UPP2: variants seen among roughly 807,000 people sequenced by gnomAD.
UPP2 encodes the protein UPase 2.
A neutral mutation model predicts 26.7 loss-of-function variants in UPP2; 23 were observed. That is an observed-to-expected ratio of 0.86 (90% confidence interval 0.62 to 1.22). The LOEUF (loss-of-function observed/expected upper bound fraction) is 1.22. UPP2 is among the 50% of genes most tolerant of loss of function. The probability of loss-of-function intolerance (pLI) is 0.00; values close to 1 mark genes in which losing one functional copy is unlikely to be tolerated. For missense variants in UPP2, 387 were observed against 396.7 expected (o/e 0.98, Z 0.21); for synonymous variants, 127 against 141.3 (o/e 0.90, Z 0.72).
At chr2:158,077,570 A>T (rs1349880263) in intron 3 of UPP2, among the ~76,000 whole-genome samples, 3 of 152,144 alleles carry the variant, frequency 2.0e-5, no homozygotes, top group Non-Finnish European at 4.4e-5. Flanking sequence ...GGTGCTGGGA[A>T]AACTGGATAT....
chr2:158,030,649 C>G (rs1467415948), intron 3 of UPP2, among the ~76,000 whole-genome samples: 1 of 152,162 alleles, frequency 6.6e-6, no homozygotes, highest in Non-Finnish European at 1.5e-5. Flanking sequence ...AGCCCAGCTA[C>G]TGTCTTTCAA....
At chr2:158,107,208 CTG>C (rs1204291529) in intron 2 of UPP2, among the ~76,000 whole-genome samples, 2 of 152,204 alleles carry the variant, frequency 1.3e-5, no homozygotes, top group Non-Finnish European at 2.9e-5. Context: ...TTCCAAAAGA[CTG>C]TATCTATTTA....
At chr2:158,055,243 G>A (rs1166881545) in intron 3 of UPP2, among the ~76,000 whole-genome samples, 1 of 152,160 alleles carries the variant, frequency 6.6e-6, no homozygotes, top group African/African-American at 2.4e-5. Flanking sequence ...GCATGCTAAT[G>A]TGCTGGTTCG....
intron 3 of UPP2, chr2:158,065,492 C>G: frequency 3.0e-6 from 1 of 337,930 alleles, no homozygotes; most frequent in Non-Finnish European, 5.8e-6. Context: ...TTTCTGTATT[C>G]AACTTTTAAA....
At chr2:158,062,943 G>A (rs1682375566) in intron 3 of UPP2, among the ~76,000 whole-genome samples, 2 of 152,090 alleles carry the variant, frequency 1.3e-5, no homozygotes, top group Non-Finnish European at 2.9e-5. Flanking sequence ...TACGTTTCAA[G>A]CACTCAATCC....
intron 3 of UPP2, among the ~76,000 whole-genome samples, chr2:158,092,939 A>AT (rs548190588): frequency 7.3e-4 from 110 of 151,028 alleles, no homozygotes; most frequent in Non-Finnish European, 1.4e-3. Flanking sequence ...TCATGTAATC[A>AT]TTTTTTTTTC....
chr2:158,025,415 A>G (rs1348054607), intron 3 of UPP2, among the ~76,000 whole-genome samples: 2 of 152,100 alleles, frequency 1.3e-5, no homozygotes. Context: ...TGGAGTGTGG[A>G]GGCCAGCAGG....
chr2:158,071,743 G>A (rs1301932201), intron 3 of UPP2, among the ~76,000 whole-genome samples: 1 of 151,958 alleles, frequency 6.6e-6, no homozygotes, highest in African/African-American at 2.4e-5. Flanking sequence ...GGAACCCACT[G>A]CCTTGAGAAG....
chr2:158,037,849 T>TG (rs1290433953), intron 3 of UPP2, among the ~76,000 whole-genome samples: 1 of 69,864 alleles, frequency 1.4e-5, no homozygotes, highest in African/African-American at 5.4e-5. Context: ...TTTTGGGGGG[T>TG]GGGGGGAGAT....
At chr2:158,014,106 T>C (rs1860163) in intron 2 of UPP2, among the ~76,000 whole-genome samples, 80,775 of 152,092 alleles carry the variant, frequency 0.53, 23,283 homozygotes, top group Admixed American at 0.7. Context: ...GTGCTGTACA[T>C]TTGGCTGCAG....
At chr2:158,060,181 G>A (rs1222996299) in intron 3 of UPP2, among the ~76,000 whole-genome samples, 1 of 152,038 alleles carries the variant, frequency 6.6e-6, no homozygotes, top group Non-Finnish European at 1.5e-5. Flanking sequence ...TAGGAGGGCA[G>A]GCTCTGGAGT....
rs1683903782 is a variant in UPP2, at chr2:158,135,065, C to T, written c.*175C>T. The T allele has an allele frequency of 4.2e-6, 3 of 715,762 alleles. No homozygotes were observed. Among genetic ancestry groups the T allele is most frequent in the South Asian group, 7.6e-5 (2 of 26,350 alleles). 44.3% of individuals were successfully genotyped at this position (715,762 alleles called of 1,614,324 possible). A position where few individuals can be genotyped will look rare whatever the true frequency, so the allele number is the denominator to read the frequency against. ...AATTTATTGTAAAAGAATACTCACA[C>T]TAAATTAAATTCAAATTTCATTTTA... On this transcript the variant is annotated 3_prime_UTR_variant, in exon 7 of 7. Transcript: ENST00000005756.
Position 158,115,172 on chromosome 2 carries a change from T to C in UPP2, c.252T>C (p.Phe84=). The change falls in exon 3 of 7, where the codon TTT becomes TTC. Residue 84 remains phenylalanine, a synonymous_variant. Transcript: ENST00000005756. ...FALFMHKELG[F]EEAEEDIKDI... The stretch of plus-strand genomic sequence containing the variant: ...TGTTTATGCACAAGGAGCTCGGGTT[T>C]GAGGAAGCTGAAGAAGACATAAAAG... 6.2e-7 allele frequency: 1 copy of C among 1,613,678 alleles called. No homozygotes were observed. Among genetic ancestry groups the C allele is most frequent in the East Asian group, 2.2e-5 (1 of 44,846 alleles).
chr2:158,078,652 G>A (rs76880729), intron 3 of UPP2, among the ~76,000 whole-genome samples: 1,554 of 152,234 alleles, frequency 0.01, 36 homozygotes, highest in African/African-American at 0.035. Context: ...GGGGATGGGA[G>A]TGGGGATGTG....
intron 3 of UPP2, among the ~76,000 whole-genome samples, chr2:158,047,330 G>A (rs1273201188): frequency 6.6e-6 from 1 of 152,182 alleles, no homozygotes; most frequent in Non-Finnish European, 1.5e-5. Context: ...CTGATTAGCT[G>A]ATGGCAAAGC....
intron 3 of UPP2, among the ~76,000 whole-genome samples, chr2:158,082,213 G>A (rs1171875752): frequency 6.6e-6 from 1 of 152,142 alleles, no homozygotes; most frequent in South Asian, 2.1e-4. Flanking sequence ...GCCTCCCAAA[G>A]TGCTGGGATT....
chr2:158,016,679 CT>C (rs1355814787), intron 3 of UPP2, among the ~76,000 whole-genome samples: 2 of 152,198 alleles, frequency 1.3e-5, no homozygotes, highest in East Asian at 3.9e-4. Context: ...TCCCGTCTTC[CT>C]CTGGAATTTG....
chr2:158,123,965 A>G (rs766991732), intron 6 of UPP2, 70 bp downstream of exon 6: 13 of 1,539,098 alleles, frequency 8.4e-6, no homozygotes, highest in South Asian at 2.5e-5. Context: ...CCTTAGGAGA[A>G]GAAAAAGAGG....
intron 6 of UPP2, among the ~76,000 whole-genome samples, chr2:158,124,881 A>C (rs1201952861): frequency 6.6e-6 from 1 of 152,222 alleles, no homozygotes; most frequent in Non-Finnish European, 1.5e-5. Context: ...ATGGAGGCCA[A>C]GCAAGCAGGT....
Sources: gnomAD v4.1 joint callset for allele counts (sites outside exome capture counted in the v4.1 genomes callset) on GRCh38, gnomAD v4.1.1 for gene constraint, MANE v1.5 for transcripts, NCBI Gene and HGNC (gene_info 2026-07-23, HGNC 2026-07-21) for gene names.